Variants in CLN8 observed in about 807,000 individuals in gnomAD.
CLN8 encodes the protein protein CLN8.
A neutral mutation model predicts 15.7 loss-of-function variants in CLN8; 14 were observed. The observed-to-expected ratio is 0.89, with a 90% CI of 0.59 to 1.39. CLN8 has a LOEUF of 1.39. Ranked by LOEUF, CLN8 falls within the 40% of genes most tolerant of loss-of-function variation. The pLI is 0.00. For synonymous variants in CLN8, 188 were observed against 151.0 expected, an observed-to-expected ratio of 1.25 and a Z score of -1.80; for missense variants, 415 against 364.0, an observed-to-expected ratio of 1.14 and a Z score of -1.14.
intron 1 of CLN8, among the ~76,000 whole-genome samples, chr8:1,766,915 G>A (rs939070965): frequency 1.3e-5 from 2 of 152,222 alleles, no homozygotes; most frequent in African/African-American, 4.8e-5. Flanking sequence ...CTTCTGTGCT[G>A]CCTGACAGAA....
intron 1 of CLN8, chr8:1,758,617 A>C (rs1227395297): frequency 1.3e-5 from 2 of 152,218 alleles, no homozygotes; most frequent in Non-Finnish European, 2.9e-5. Context: ...GGAGGTGTAC[A>C]TGTTGCCAAT....
At position 1,780,264 on chromosome 8, in the gene CLN8, G is replaced by A. The variant is rs769282149; in HGVS notation, c.558G>A (p.Glu186=). 13 of 1,614,274 alleles carry A rather than the reference G, an allele frequency of 8.1e-6. No homozygotes were observed. Among genetic ancestry groups the A allele is most frequent in the Non-Finnish European group, 1.0e-5 (12 of 1,180,050 alleles). The part of the protein sequence containing the change: ...SWMLLKAGWS[E]SLFWKLNQWL... ...TCTCCATGCAGGCGGGCTGGTCCGA[G>A]TCTCTGTTTTGGAAGCTCAACCAGT... The change falls in exon 3 of 3, where the codon GAG becomes GAA. Residue 186 remains glutamate (E), a synonymous_variant. Coordinates refer to ENST00000331222, the MANE Select transcript of CLN8 (RefSeq NM_018941.4).
At chr8:1,758,885 T>C (rs1038665967), upstream of CLN8, 2 of 152,136 alleles carry the variant, frequency 1.3e-5, no homozygotes, top group Non-Finnish European at 2.9e-5. Flanking sequence ...CTTAGTTAAA[T>C]CTCTCCTAGA....
chr8:1,755,586 C>G (rs1191573889), upstream of CLN8, among the ~76,000 whole-genome samples: 1 of 152,200 alleles, frequency 6.6e-6, no homozygotes, highest in Non-Finnish European at 1.5e-5. Flanking sequence ...TGCTCTTTAC[C>G]TTGAAATGAC....
In CLN8 at chr8:1,782,125, G is replaced by A. The variant is rs987354020; in HGVS notation, c.*1558G>A. ...TATGTTTTATGGAACTCTCGGAACA[G>A]TGTTTTGTTTTTGTTTAGTTTTTGT... On this transcript the variant is annotated 3_prime_UTR_variant, in exon 3 of 3. Transcript: ENST00000331222. The A allele has an allele frequency of 6.6e-6, 1 of 152,206 alleles. No individual in the cohort carries two copies. Among genetic ancestry groups the A allele is most frequent in the Non-Finnish European group, 1.5e-5 (1 of 68,054 alleles). The allele number at this position is 152,206 out of a possible 1,614,324, so 9.4% of individuals were successfully genotyped here.
chr8:1,761,696 A>G (rs1339031704), upstream of CLN8, among the ~76,000 whole-genome samples: 8 of 152,318 alleles, frequency 5.3e-5, no homozygotes, highest in African/African-American at 1.9e-4. Context: ...GAGGGGTCAG[A>G]TCAGAGATGA....
chr8:1,775,487 C>G (rs1022434867), intron 2 of CLN8, among the ~76,000 whole-genome samples: 2 of 152,186 alleles, frequency 1.3e-5, no homozygotes, highest in African/African-American at 2.4e-5. Flanking sequence ...ACTTTGACTA[C>G]AAAAATTTTA....
chr8:1,780,184 T>G, intron 2 of CLN8, 66 bp from the exon 3 acceptor site: 1 of 1,613,800 alleles, frequency 6.2e-7, no homozygotes, highest in Non-Finnish European at 8.5e-7. Context: ...AATACCTTTT[T>G]GTGATGTGAA....
At chr8:1,772,329 C>T (rs1449201532) in intron 2 of CLN8, among the ~76,000 whole-genome samples, 1 of 152,198 alleles carries the variant, frequency 6.6e-6, no homozygotes, top group African/African-American at 2.4e-5. Context: ...TGTACTAGTG[C>T]TCAGAAGTGT....
At chr8:1,772,799 G>A in intron 2 of CLN8, 1 of 390,500 alleles carries the variant, frequency 2.6e-6, no homozygotes, top group East Asian at 3.6e-5. Context: ...TTTTTACATA[G>A]ATTCTTGCTA....
At chr8:1,774,297 G>C (rs7008021) in intron 2 of CLN8, among the ~76,000 whole-genome samples, 1,722 of 152,320 alleles carry the variant, frequency 0.011, 35 homozygotes, top group African/African-American at 0.039. Context: ...TTCTAACCCT[G>C]CTCATGTTAA....
At position 1,785,207 on chromosome 8, in the gene CLN8, G is replaced by T; in HGVS notation, c.*4640G>T. ...CTCAGGCTTGCGGCTCGGCCGCGAA[G>T]TGTGTCAGGTGTGCATCCTGGGTGC... is the stretch of plus-strand genomic sequence containing the variant. On this transcript the variant is annotated 3_prime_UTR_variant, in exon 3 of 3. Coordinates refer to ENST00000331222, the MANE Select transcript of CLN8 (RefSeq NM_018941.4). 6.0e-6 allele frequency: 1 copy of T among 167,820 alleles called. No homozygotes were observed. Among genetic ancestry groups the T allele is most frequent in the Non-Finnish European group, 1.3e-5 (1 of 76,142 alleles). The allele number at this position is 167,820 out of a possible 1,614,324, so 10.4% of individuals were successfully genotyped here. A position where few individuals can be genotyped will look rare whatever the true frequency, so the allele number is the denominator to read the frequency against.
intron 1 of CLN8, chr8:1,758,154 A>G (rs1047751199): frequency 1.3e-5 from 2 of 152,206 alleles, no homozygotes; most frequent in Non-Finnish European, 2.9e-5. Flanking sequence ...TTTAAGAAAG[A>G]TACACTTTTT....
chr8:1,769,494 C>T lies in CLN8; in HGVS notation c.-123-1438C>T, dbSNP rs552909429. ...GGTGTTCCCAGCCCTGCTGTCTGTTCGCTGGGTGTGAGTGACAAGAGTCCC... is the reference window on the plus strand; with the variant it reads ...GGTGTTCCCAGCCCTGCTGTCTGTTTGCTGGGTGTGAGTGACAAGAGTCCC... On this transcript the variant is annotated intron_variant, in intron 1 of 2. Transcript: ENST00000331222. Among the ~76,000 whole-genome samples the T allele has an allele frequency of 4.6e-5, 7 of 152,234 alleles. No individual in the cohort carries two copies. In the South Asian group the frequency reaches 8.3e-4, roughly 18 times the overall value.
upstream of CLN8, chr8:1,762,897 T>G (rs531821171): frequency 3.3e-5 from 5 of 152,322 alleles, no homozygotes; most frequent in South Asian, 1.0e-3. Flanking sequence ...TGATCATCAA[T>G]TAAGTGGTGA....
intron 1 of CLN8, chr8:1,765,006 A>T (rs920189758): frequency 6.6e-6 from 1 of 152,204 alleles, no homozygotes; most frequent in Admixed American, 6.5e-5. Context: ...TGAGTGATTG[A>T]GGGAATATGA....
rs533351136 is a variant in CLN8, at chr8:1,771,342, G to A, written c.288G>A (p.Ala96=). The A allele has an allele frequency of 1.4e-5, 23 of 1,614,200 alleles. No individual in the cohort carries two copies. Among genetic ancestry groups the A allele is most frequent in the Middle Eastern group, 1.6e-4 (1 of 6,062 alleles). Reference sequence around the variant, plus strand: ...ACCCTGTGCTGCATGCCGACAAGGCGCGTGGCCAGCAGAACTGGTGCTGGT... The same window carrying A: ...ACCCTGTGCTGCATGCCGACAAGGCACGTGGCCAGCAGAACTGGTGCTGGT... The part of the protein sequence containing the change: ...LGDPVLHADK[A]RGQQNWCWFH... The change falls in exon 2 of 3, where the codon GCG becomes GCA. Residue 96 remains alanine (A), a synonymous_variant. Coordinates refer to ENST00000331222, the MANE Select transcript of CLN8 (RefSeq NM_018941.4).
upstream of CLN8, chr8:1,758,856 C>A (rs1800729224): frequency 6.6e-6 from 1 of 152,082 alleles, no homozygotes; most frequent in African/African-American, 2.4e-5. Context: ...CTTATTGGAC[C>A]TAAAAGAGGT....
intron 1 of CLN8, among the ~76,000 whole-genome samples, chr8:1,767,561 C>CTT (rs1801114650): frequency 3.6e-5 from 3 of 84,256 alleles, no homozygotes; most frequent in African/African-American, 1.5e-4. Context: ...CTGTATGTTT[C>CTT]TTTCTTTTTT....
Sources: gnomAD v4.1 joint callset for allele counts (sites outside exome capture counted in the v4.1 genomes callset) on GRCh38, gnomAD v4.1.1 for gene constraint, MANE v1.5 for transcripts, NCBI Gene and HGNC (gene_info 2026-07-23, HGNC 2026-07-21) for gene names.